SMU1: variants seen among roughly 807,000 people sequenced by gnomAD.
The protein encoded by SMU1 is SMU1 DNA replication regulator and spliceosomal factor.
In SMU1, 2 loss-of-function variants were observed where a neutral mutation model predicts 62.0. The observed-to-expected ratio is 0.03, with a 90% CI of 0.01 to 0.10. The LOEUF is 0.10. Ranked by LOEUF, SMU1 falls within the 10% of genes least tolerant of loss-of-function variation. The pLI, the probability that SMU1 is intolerant of heterozygous loss-of-function variation, is 1.00. For missense variants in SMU1, 227 were observed against 622.1 expected, an observed-to-expected ratio of 0.36 and a Z score of 6.76; for synonymous variants, 188 against 212.4, an observed-to-expected ratio of 0.89 and a Z score of 1.00.
At chr9:33,076,175 G>A (rs1048089722) in intron 1 of SMU1, among the ~76,000 whole-genome samples, 4 of 152,204 alleles carry the variant, frequency 2.6e-5, no homozygotes, top group African/African-American at 7.2e-5. Flanking sequence ...CAAAGGGGCC[G>A]TATAAGCAGA....
At chr9:33,055,550 C>T (rs1839294807) in intron 9 of SMU1, among the ~76,000 whole-genome samples, 1 of 152,056 alleles carries the variant, frequency 6.6e-6, no homozygotes, top group South Asian at 2.1e-4. Flanking sequence ...AAATGAGAAC[C>T]TCTCTTCAAA....
intron 4 of SMU1, among the ~76,000 whole-genome samples, chr9:33,068,078 T>C (rs1839442570): frequency 6.6e-6 from 1 of 152,230 alleles, no homozygotes; most frequent in South Asian, 2.1e-4. Context: ...ATGAACATTA[T>C]TTCTCTTAAT....
chr9:33,064,818 C>G (rs1487498205), intron 4 of SMU1, among the ~76,000 whole-genome samples: 2 of 151,916 alleles, frequency 1.3e-5, no homozygotes, highest in Non-Finnish European at 2.9e-5. Context: ...TCTTGGCTCA[C>G]TGCAAACTCT....
intron 4 of SMU1, among the ~76,000 whole-genome samples, chr9:33,067,496 CTTTTT>C (rs1163444916): frequency 7.7e-6 from 1 of 129,684 alleles, no homozygotes. Context: ...AAGCAGCTTA[CTTTTT>C]TTTTTTTTTT....
At chr9:33,063,877 T>C (rs1240932532) in intron 4 of SMU1, among the ~76,000 whole-genome samples, 1 of 152,046 alleles carries the variant, frequency 6.6e-6, no homozygotes, top group Non-Finnish European at 1.5e-5. Flanking sequence ...TTTAAAAATT[T>C]TAGCTAATTT....
At chr9:33,065,290 A>C (rs1319090296) in intron 4 of SMU1, among the ~76,000 whole-genome samples, 1 of 152,162 alleles carries the variant, frequency 6.6e-6, no homozygotes, top group African/African-American at 2.4e-5. Context: ...TGTCCTTCTT[A>C]TATTTTCTAC....
At chr9:33,067,296 C>CAA in intron 4 of SMU1, among the ~76,000 whole-genome samples, 1 of 43,590 alleles carries the variant, frequency 2.3e-5, no homozygotes, top group African/African-American at 1.1e-4. Flanking sequence ...TTGCTAATGA[C>CAA]CAAAAAAAAA....
intron 3 of SMU1, among the ~76,000 whole-genome samples, chr9:33,070,986 A>AATAATTATAC (rs1343035793): frequency 1.3e-5 from 2 of 152,218 alleles, no homozygotes; most frequent in African/African-American, 4.8e-5. Context: ...TATAGCCAAT[A>AATAATTATAC]ATAATTATAC....
In SMU1 at chr9:33,071,730, A is replaced by G. The variant is rs774328672; in HGVS notation, c.390+10T>C. 1.3e-5 allele frequency: 20 copies of G among 1,596,394 alleles called. No homozygotes were observed. The East Asian group carries it at 4.5e-4, about 36-fold the overall frequency. On this transcript the variant is annotated intron_variant, in intron 3 of 11. Transcript: ENST00000397149. The stretch of plus-strand genomic sequence containing the variant: ...TAACAAAAAGTTCCTTTTCATTACC[A>G]CAGTCATACCTCACGAGGATCAAAG...
At chr9:33,076,557 G>A (rs1331295831) in intron 1 of SMU1, 26 bp downstream of exon 1, 7 of 1,613,182 alleles carry the variant, frequency 4.3e-6, no homozygotes, top group Non-Finnish European at 5.9e-6. Context: ...CCGGCAAGGC[G>A]CGAACATCCC....
chr9:33,047,666 T>A (rs1035847457), intron 11 of SMU1, among the ~76,000 whole-genome samples: 2 of 152,138 alleles, frequency 1.3e-5, no homozygotes, highest in African/African-American at 4.8e-5. Flanking sequence ...AAGACCAGCC[T>A]GGCCAACAGG....
intron 5 of SMU1, 45 bp downstream of exon 5, chr9:33,062,004 C>T (rs759680160): frequency 1.2e-6 from 2 of 1,601,234 alleles, no homozygotes; most frequent in Non-Finnish European, 1.7e-6. Context: ...CATGACAAGT[C>T]CTCAACAAAT....
At chr9:33,058,248 G>T (rs12377828) in intron 6 of SMU1, among the ~76,000 whole-genome samples, 16,835 of 152,118 alleles carry the variant, frequency 0.11, 1,130 homozygotes, top group Non-Finnish European at 0.15. Context: ...ATATAAAGTA[G>T]AAAGTAAAAA....
intron 4 of SMU1, 92 bp from the exon 5 acceptor site, chr9:33,062,269 T>A: frequency 6.7e-7 from 1 of 1,494,798 alleles, no homozygotes; most frequent in South Asian, 1.3e-5. Context: ...AGGATGAGGT[T>A]CAGAGAAAGC....
chr9:33,062,857 G>A (rs528075276), intron 4 of SMU1, among the ~76,000 whole-genome samples: 31 of 152,220 alleles, frequency 2.0e-4, no homozygotes, highest in African/African-American at 7.2e-4. Flanking sequence ...AACATGAATG[G>A]TTAAGGCTCT....
chr9:33,060,323 A>G, intron 6 of SMU1, 142 bp downstream of exon 6: 1 of 736,872 alleles, frequency 1.4e-6, no homozygotes, highest in South Asian at 2.0e-5. Flanking sequence ...CTAGCTTTAA[A>G]TGAGTTTTTT....
chr9:33,056,656 A>G (rs1839307282), intron 8 of SMU1, among the ~76,000 whole-genome samples, 181 bp downstream of exon 8: 1 of 152,180 alleles, frequency 6.6e-6, no homozygotes, highest in African/African-American at 2.4e-5. Context: ...AAAAACTCAA[A>G]TGACACAACA....
intron 2 of SMU1, among the ~76,000 whole-genome samples, chr9:33,072,370 A>T (rs1271125239): frequency 1.3e-5 from 2 of 151,552 alleles, no homozygotes; most frequent in Non-Finnish European, 2.9e-5. Context: ...AATCCTTCAA[A>T]CTCTATCCTT....
chr9:33,044,821 C>T lies in SMU1; in HGVS notation c.*2472G>A, dbSNP rs1839166357. On this transcript the variant is annotated 3_prime_UTR_variant, in exon 12 of 12. Coordinates refer to ENST00000397149, the MANE Select transcript of SMU1 (RefSeq NM_018225.3). ...CTCTTTGCCTGGTCTCCCAAGACAC[C>T]TATCATTTTGCCCAGCACATACCTT... 6.6e-6 allele frequency: 1 copy of T among 152,218 alleles called. No individual in the cohort carries two copies. The highest frequency in any genetic ancestry group is 1.5e-5 in the Non-Finnish European group (1 of 68,062). The allele number at this position is 152,218 out of a possible 1,614,324, so 9.4% of individuals were successfully genotyped here.
Sources: allele counts gnomAD v4.1 joint callset (sites outside exome capture counted in the v4.1 genomes callset), GRCh38; gene constraint gnomAD v4.1.1; transcripts MANE v1.5; gene names NCBI Gene and HGNC (gene_info 2026-07-23, HGNC 2026-07-21).